Variants in NBDY observed in about 807,000 individuals in gnomAD.
NBDY encodes the protein negative regulator of P-body association.
At chrX:56,814,676 G>A (rs2069903033) in intron 2 of NBDY, among the ~76,000 whole-genome samples, 1 of 109,822 alleles carries the variant, frequency 9.1e-6, no homozygotes, top group Non-Finnish European at 1.9e-5. Flanking sequence ...GGTACTTTTA[G>A]TAGAGATGGT....
At chrX:56,759,110 T>C (rs1017878627) in intron 2 of NBDY, among the ~76,000 whole-genome samples, 3 of 112,211 alleles carry the variant, frequency 2.7e-5, no homozygotes, top group South Asian at 3.7e-4. Flanking sequence ...TGGCTGCCTA[T>C]TGAGCCATCA....
intron 2 of NBDY, among the ~76,000 whole-genome samples, chrX:56,785,420 C>T (rs1424110121): frequency 9.0e-6 from 1 of 111,096 alleles, no homozygotes; most frequent in Non-Finnish European, 1.9e-5. Flanking sequence ...TCCATAGTTC[C>T]TCAGACAAAT....
chrX:56,802,753 A>G (rs777081431), intron 2 of NBDY, among the ~76,000 whole-genome samples: 10 of 112,295 alleles, frequency 8.9e-5, no homozygotes, highest in Middle Eastern at 4.6e-3. Context: ...TTTGTCTTCT[A>G]TTTTTCTGCA....
At chrX:56,791,514 A>G (rs1249227032) in intron 2 of NBDY, among the ~76,000 whole-genome samples, 2 of 111,747 alleles carry the variant, frequency 1.8e-5, no homozygotes, top group Non-Finnish European at 3.8e-5. Flanking sequence ...GCAATGTTCA[A>G]CCTGCACCTG....
intron 2 of NBDY, among the ~76,000 whole-genome samples, chrX:56,767,452 G>C (rs890858681): frequency 1.8e-5 from 2 of 113,383 alleles, no homozygotes; most frequent in African/African-American, 6.4e-5. Context: ...CACTGGCCAA[G>C]GTCGGAGCCG....
chrX:56,784,833 C>T (rs1255671027), intron 2 of NBDY, among the ~76,000 whole-genome samples: 1 of 111,974 alleles, frequency 8.9e-6, no homozygotes, highest in African/African-American at 3.3e-5. Flanking sequence ...AATCCTGACG[C>T]GGGCCATCAT....
At chrX:56,746,969 C>T (rs1175304808) in intron 2 of NBDY, among the ~76,000 whole-genome samples, 3 of 112,065 alleles carry the variant, frequency 2.7e-5, no homozygotes, top group Non-Finnish European at 3.8e-5. Flanking sequence ...AGATCCTTAA[C>T]TTAATCACAT....
At chrX:56,808,061 A>G (rs754836074) in intron 2 of NBDY, among the ~76,000 whole-genome samples, 15 of 112,198 alleles carry the variant, frequency 1.3e-4, no homozygotes, top group Admixed American at 9.4e-5. Flanking sequence ...TTCTGCATCT[A>G]TTGAGATAAG....
intron 2 of NBDY, among the ~76,000 whole-genome samples, chrX:56,764,463 G>A (rs1190567928): frequency 9.0e-6 from 1 of 110,841 alleles, no homozygotes; most frequent in Non-Finnish European, 1.9e-5. Flanking sequence ...CCCAATGCCA[G>A]GTACACTTCC....
intron 2 of NBDY, among the ~76,000 whole-genome samples, chrX:56,784,796 C>G (rs745326933): frequency 1.8e-5 from 2 of 111,697 alleles, no homozygotes; most frequent in South Asian, 7.6e-4. Flanking sequence ...TTTGCCGGCT[C>G]TTTAGGGTTT....
At chrX:56,742,385 A>G (rs185586946) in intron 2 of NBDY, among the ~76,000 whole-genome samples, 1 of 111,175 alleles carries the variant, frequency 9.0e-6, no homozygotes, top group East Asian at 2.8e-4. Context: ...TTGTATTTTT[A>G]TAAGTATTGC....
At chrX:56,740,767 T>G (rs2069528370) in intron 2 of NBDY, among the ~76,000 whole-genome samples, 1 of 111,115 alleles carries the variant, frequency 9.0e-6, no homozygotes, top group Non-Finnish European at 1.9e-5. Context: ...GTTGTATACA[T>G]TTATGGGGTA....
At chrX:56,788,083 G>A (rs1387963364) in intron 2 of NBDY, among the ~76,000 whole-genome samples, 2 of 112,304 alleles carry the variant, frequency 1.8e-5, no homozygotes, top group Non-Finnish European at 3.8e-5. Flanking sequence ...GAAACCTAGA[G>A]AGGACCAAAG....
intron 2 of NBDY, among the ~76,000 whole-genome samples, chrX:56,788,039 T>C (rs2069739617): frequency 8.9e-6 from 1 of 112,013 alleles, no homozygotes; most frequent in South Asian, 3.7e-4. Flanking sequence ...TAATGTGTTC[T>C]TTGTCTTTTA....
intron 2 of NBDY, among the ~76,000 whole-genome samples, chrX:56,813,017 A>G (rs1361682037): frequency 9.1e-6 from 1 of 110,217 alleles, no homozygotes; most frequent in Admixed American, 9.7e-5. Flanking sequence ...AGGGTGGGGA[A>G]CATCACACAC....
chrX:56,805,756 T>C (rs948423928), intron 2 of NBDY, among the ~76,000 whole-genome samples: 2 of 112,129 alleles, frequency 1.8e-5, no homozygotes, highest in Non-Finnish European at 3.8e-5. Flanking sequence ...CACTCTGCAT[T>C]CCAATTCACT....
intron 2 of NBDY, among the ~76,000 whole-genome samples, chrX:56,765,133 G>A (rs751154825): frequency 7.1e-5 from 8 of 111,908 alleles, no homozygotes; most frequent in South Asian, 7.5e-4. Context: ...TCAGCTGGGC[G>A]CGGGGACACC....
chrX:56,732,511 C>G (rs908001935), intron 2 of NBDY, among the ~76,000 whole-genome samples: 1 of 110,655 alleles, frequency 9.0e-6, no homozygotes, highest in Non-Finnish European at 1.9e-5. Flanking sequence ...TATGCTGGAG[C>G]CTTCTTAAAT....
chrX:56,795,828 G>T (rs961720413), intron 2 of NBDY, among the ~76,000 whole-genome samples: 1 of 112,677 alleles, frequency 8.9e-6, no homozygotes, highest in Non-Finnish European at 1.9e-5. Context: ...GGGAAAACGC[G>T]AGAATAAAAG....
Sources: gnomAD v4.1 joint callset for allele counts (sites outside exome capture counted in the v4.1 genomes callset) on GRCh38, gnomAD v4.1.1 for gene constraint, MANE v1.5 for transcripts, NCBI Gene and HGNC (gene_info 2026-07-23, HGNC 2026-07-21) for gene names.